Variants in FAM149A observed in about 807,000 individuals in gnomAD.
The protein encoded by FAM149A is protein FAM149A.
A neutral mutation model predicts 78.2 loss-of-function variants in FAM149A; 71 were observed. The ratio of observed to expected loss-of-function variants is 0.91; its 90% confidence interval spans 0.75 to 1.11. The LOEUF (loss-of-function observed/expected upper bound fraction) is 1.11, where lower values mean the gene tolerates loss of function less well. Among genes scored for constraint, FAM149A ranks in the 50% least tolerant of loss-of-function variants. The probability of loss-of-function intolerance (pLI) is 0.00; values close to 1 mark genes in which losing one functional copy is unlikely to be tolerated. For synonymous variants in FAM149A, 446 were observed against 410.5 expected, an observed-to-expected ratio of 1.09 and a Z score of -1.04; for missense variants, 1,036 against 971.0, an observed-to-expected ratio of 1.07 and a Z score of -0.89.
chr4:186,121,330 A>C (rs559167412), intron 1 of FAM149A, among the ~76,000 whole-genome samples: 2 of 152,280 alleles, frequency 1.3e-5, no homozygotes, highest in East Asian at 3.9e-4. Flanking sequence ...AATATTGACA[A>C]CTGTAATCCT....
chr4:186,145,543 T>G (rs1732971863), intron 1 of FAM149A, among the ~76,000 whole-genome samples: 1 of 152,212 alleles, frequency 6.6e-6, no homozygotes, highest in Non-Finnish European at 1.5e-5. Flanking sequence ...TGGCAGAGGT[T>G]TGTGGGCTGT....
chr4:186,117,034 C>G (rs1715054), intron 1 of FAM149A, among the ~76,000 whole-genome samples: 134,642 of 152,182 alleles, frequency 0.88, 59,618 homozygotes, highest in East Asian at 0.99. Flanking sequence ...TACCTAACCT[C>G]TTTAAGCTTT....
chr4:186,106,306 ACACACACACC>A (rs558283254), intron 1 of FAM149A, among the ~76,000 whole-genome samples: 2 of 152,278 alleles, frequency 1.3e-5, no homozygotes, highest in African/African-American at 4.8e-5. Flanking sequence ...TTCCCTCAAC[ACACACACACC>A]CACACAACAC....
chr4:186,118,239 G>C, intron 1 of FAM149A: 2 of 985,348 alleles, frequency 2.0e-6, no homozygotes, highest in Non-Finnish European at 2.4e-6. Context: ...TGCTGTGGGA[G>C]TTTCAAGACC....
chr4:186,146,740 T>G, intron 1 of FAM149A: 6 of 962,748 alleles, frequency 6.2e-6, no homozygotes, highest in Non-Finnish European at 7.4e-6. Flanking sequence ...GAGCTGTGAC[T>G]TTTTAACGAG....
At chr4:186,105,755 CTTT>C (rs2099308485) in intron 1 of FAM149A, 113 bp downstream of exon 1, 1 of 747,198 alleles carries the variant, frequency 1.3e-6, no homozygotes, top group Admixed American at 6.2e-5. Flanking sequence ...TTTGTAGTAA[CTTT>C]CATAACCCCC....
At chr4:186,151,512 C>G (rs1043635094) in intron 3 of FAM149A, among the ~76,000 whole-genome samples, 2 of 152,012 alleles carry the variant, frequency 1.3e-5, no homozygotes, top group African/African-American at 4.8e-5. Flanking sequence ...TGCAGGTGTG[C>G]TTAGGTGTGT....
chr4:186,167,500 G>T, intron 13 of FAM149A: 1 of 511,340 alleles, frequency 2.0e-6, no homozygotes, highest in Non-Finnish European at 3.5e-6. Flanking sequence ...CAATGAACTG[G>T]GGGCCTCACT....
chr4:186,150,394 T>TC (rs1158769596), intron 3 of FAM149A, among the ~76,000 whole-genome samples: 65,248 of 131,432 alleles, frequency 0.5, 17,421 homozygotes, highest in African/African-American at 0.69. Flanking sequence ...GCTTGCTTGC[T>TC]TTCTCTCTCT....
chr4:186,164,950 G>A lies in FAM149A; in HGVS notation c.1890-394G>A, dbSNP rs548432198. ...AGCCTGTTTGTCTGTGTGCATAGCT[G>A]TGCTCTACACATACGAGGGAAGCTG... On this transcript the variant is annotated intron_variant, in intron 10 of 13. Coordinates refer to ENST00000389354, the MANE Select transcript of FAM149A (RefSeq NM_001367768.3). The surrounding 1 kb of genome is among the most constrained non-coding windows in gnomAD (Gnocchi z 4.0). Among the ~76,000 whole-genome samples the A allele has an allele frequency of 1.3e-5, 2 of 152,208 alleles. No individual in the cohort carries two copies. The highest frequency in any genetic ancestry group is 3.9e-4 in the East Asian group (2 of 5,162).
rs76402174 is a variant in FAM149A at position 186,166,649 on chromosome 4, TAAA to T, written c.2011-298_2011-296del. ...CTGGGTGACAGAGCGAGACTCTGTTTAAAAAAAAAAAAAAAAAAAAAAAGGCAA... is the reference window on the plus strand; with the variant it reads ...CTGGGTGACAGAGCGAGACTCTGTTTAAAAAAAAAAAAAAAAAAAAGGCAA... On this transcript the variant is annotated intron_variant, in intron 11 of 13. Transcript: ENST00000389354. Among the ~76,000 whole-genome samples, 428 of 105,038 alleles carry T rather than the reference TAAA, an allele frequency of 4.1e-3. 6 individuals carry two copies. Among genetic ancestry groups the T allele is most frequent in the African/African-American group, 0.013 (399 of 29,662 alleles). The allele number at this position is 105,038 out of a possible 152,430, so 68.9% of individuals were successfully genotyped here. A position where few individuals can be genotyped will look rare whatever the true frequency, so the allele number is the denominator to read the frequency against.
rs1214147099 is a variant in FAM149A, at chr4:186,164,580, G to A, written c.1890-764G>A. 4 of 733,922 alleles carry A rather than the reference G, an allele frequency of 5.5e-6. No homozygotes were observed. Among genetic ancestry groups the A allele is most frequent in the Non-Finnish European group, 6.7e-6 (4 of 600,138 alleles). 45.5% of individuals were successfully genotyped at this position (733,922 alleles called of 1,614,324 possible). A position where few individuals can be genotyped will look rare whatever the true frequency, so the allele number is the denominator to read the frequency against. On this transcript the variant is annotated intron_variant, in intron 10 of 13. Transcript: ENST00000389354. The surrounding 1 kb of genome is among the most constrained non-coding windows in gnomAD (Gnocchi z 4.0). ...TGATGTTTCCAGCTGTGTTGGGTCT[G>A]CTGTGCTGATTCCTTCGAGATCCCT... is the stretch of plus-strand genomic sequence containing the variant.
intron 13 of FAM149A, chr4:186,169,436 A>G: frequency 1.0e-6 from 1 of 985,344 alleles, no homozygotes; most frequent in Non-Finnish European, 1.2e-6. Flanking sequence ...GTGGCCTCAC[A>G]CACGGATTTG....
At chr4:186,155,875 A>C in intron 6 of FAM149A, 125 bp from the exon 7 acceptor site, 1 of 657,940 alleles carries the variant, frequency 1.5e-6, no homozygotes. Flanking sequence ...AAAAAGAACG[A>C]TGCTGTTTAA....
intron 3 of FAM149A, among the ~76,000 whole-genome samples, 197 bp downstream of exon 3, chr4:186,149,901 C>T (rs190096147): frequency 3.3e-5 from 5 of 152,314 alleles, no homozygotes; most frequent in Admixed American, 2.0e-4. Flanking sequence ...AGAACTCCCT[C>T]GTGACCTTCT....
rs777580478 is a variant in FAM149A at position 186,167,202 on chromosome 4, A to T, written c.2158A>T (p.Ser720Cys). ...CCAGCAGTCGGATACGCCTCGAAAAAGTTCATTGACACAAATGGAATTTGC... is the reference window on the plus strand; with the variant it reads ...CCAGCAGTCGGATACGCCTCGAAAATGTTCATTGACACAAATGGAATTTGC... The change falls in exon 13 of 14, where the codon AGT (serine) becomes TGT (cysteine). Residue 720 changes from serine to cysteine, a missense_variant. Physicochemically the swap from Ser to Cys is moderately radical, Grantham distance 112. Coordinates refer to ENST00000389354, the MANE Select transcript of FAM149A (RefSeq NM_001367768.3). The T allele has an allele frequency of 1.2e-6, 2 of 1,610,720 alleles. No homozygotes were observed. The highest frequency in any genetic ancestry group is 2.2e-5 in the South Asian group (2 of 91,058).
At chr4:186,156,257 C>T in intron 7 of FAM149A, 67 bp downstream of exon 7, 2 of 1,394,476 alleles carry the variant, frequency 1.4e-6, no homozygotes, top group Non-Finnish European at 2.0e-6. Context: ...TGGGCTCCTG[C>T]TCCCCAGCTT....
intron 1 of FAM149A, among the ~76,000 whole-genome samples, chr4:186,115,252 CT>C (rs2099313010): frequency 6.3e-5 from 2 of 31,768 alleles, no homozygotes; most frequent in Middle Eastern, 0.02. Context: ...CCATCAGCTC[CT>C]TTAAGCACTT....
In FAM149A at chr4:186,131,842, C is replaced by T. The variant is rs541091825; in HGVS notation, c.567-17331C>T. ...ATTGCTAACCAAAAAGTAAAAGTTA[C>T]ACTGCATTAAAATTAAGAACTTCTG... On this transcript the variant is annotated intron_variant, in intron 1 of 13. Transcript: ENST00000389354. 78 of 955,448 alleles carry T rather than the reference C, an allele frequency of 8.2e-5. No homozygotes were observed. In the African/African-American group the frequency reaches 1.2e-3, roughly 15 times the overall value. The allele number at this position is 955,448 out of a possible 1,614,324, so 59.2% of individuals were successfully genotyped here. A position where few individuals can be genotyped will look rare whatever the true frequency, so the allele number is the denominator to read the frequency against.
Sources: allele counts gnomAD v4.1 joint callset (sites outside exome capture counted in the v4.1 genomes callset), GRCh38; gene constraint gnomAD v4.1.1; non-coding constraint Gnocchi (gnomAD v3.1); transcripts MANE v1.5; gene names NCBI Gene and HGNC (gene_info 2026-07-23, HGNC 2026-07-21).